The following PTDSS2 variants were observed in gnomAD, a reference collection of about 807,000 sequenced individuals.
The protein encoded by PTDSS2 is PSS-2.
In PTDSS2, 41 loss-of-function variants were observed where a neutral mutation model predicts 64.7. The observed-to-expected ratio is 0.63, with a 90% CI of 0.49 to 0.82. The LOEUF is 0.82. Among genes scored for constraint, PTDSS2 ranks in the 40% least tolerant of loss-of-function variants. The pLI is 0.00. For synonymous variants in PTDSS2, 297 were observed against 277.8 expected, an observed-to-expected ratio of 1.07 and a Z score of -0.69; for missense variants, 485 against 650.0, an observed-to-expected ratio of 0.75 and a Z score of 2.76.
At chr11:487,654 TGGTCGGGTCCCCGCTCCGTCCTCAG>T (rs1848454202) in intron 6 of PTDSS2, among the ~76,000 whole-genome samples, 184 bp downstream of exon 6, 1 of 152,144 alleles carries the variant, frequency 6.6e-6, no homozygotes, top group Non-Finnish European at 1.5e-5. Context: ...GCCCTGATCC[TGGTCGGGTCCCCGCTCCGTCCTCAG>T]GGTCGGGGCG....
Position 489,713 on chromosome 11 carries a change from C to T in PTDSS2, c.1095C>T (p.Ile365=). The T allele has an allele frequency of 6.2e-7, 1 of 1,608,744 alleles. No individual in the cohort carries two copies. The highest frequency in any genetic ancestry group is 8.5e-7 in the Non-Finnish European group (1 of 1,177,970). Residue 365 remains isoleucine (I), a synonymous_variant, in exon 10 of 12, where the codon ATC becomes ATT. Coordinates refer to ENST00000308020, the MANE Select transcript of PTDSS2 (RefSeq NM_030783.3). ...VNVGGVAMRE[I]YDFMDDPKPH... Reference sequence around the variant, plus strand: ...TGGGTGGCGTGGCCATGCGTGAGATCTACGACTTCATGGATGACCCGTGAG... The same window carrying T: ...TGGGTGGCGTGGCCATGCGTGAGATTTACGACTTCATGGATGACCCGTGAG...
intron 1 of PTDSS2, among the ~76,000 whole-genome samples, chr11:454,846 C>T (rs1365562144): frequency 6.6e-6 from 1 of 152,180 alleles, no homozygotes; most frequent in Admixed American, 6.5e-5. Flanking sequence ...GTGATCCTGT[C>T]TTTGTGTGCT....
In PTDSS2 at chr11:489,669, CTCG is replaced by C. The variant is rs747114165; in HGVS notation, c.1054_1056del (p.Val352del). 1.2e-6 allele frequency: 2 copies of C among 1,601,576 alleles called. No homozygotes were observed. The highest frequency in any genetic ancestry group is 1.3e-5 in the African/African-American group (1 of 74,854). On this transcript the variant is annotated inframe_deletion, in exon 10 of 12. Coordinates refer to ENST00000308020, the MANE Select transcript of PTDSS2 (RefSeq NM_030783.3). ...GGAGCACTACCTGGTCCTCCTGCGGCTCGTCTTCTTCGTGAACGTGGGTGGCGT... is the reference window on the plus strand; with the variant it reads ...GGAGCACTACCTGGTCCTCCTGCGGCTCTTCTTCGTGAACGTGGGTGGCGT...
Position 489,953 on chromosome 11 carries a change from G to A in PTDSS2, c.1186G>A (p.Val396Met), listed in dbSNP as rs375896438. 6 of 1,611,054 alleles carry A rather than the reference G, an allele frequency of 3.7e-6. No individual in the cohort carries two copies. Among genetic ancestry groups the A allele is most frequent in the East Asian group, 2.2e-5 (1 of 44,858 alleles). The change falls in exon 11 of 12, where the codon GTG becomes ATG. Residue 396 changes from valine (V) to methionine (M), a missense_variant. Around this residue, in one of 3 missense-constraint regions of PTDSS2, gnomAD observed 219 missense variants for 257.3 expected, o/e 0.85. Coordinates refer to ENST00000308020, the MANE Select transcript of PTDSS2 (RefSeq NM_030783.3). ...CATCACGGCCACGGAGCTGCTCATC[G>A]TGGTGAAGTACGACCCCCACACGCT... Reference protein sequence around the residue: ...AAITATELLIVVKYDPHTLTL... With the variant: ...AAITATELLIMVKYDPHTLTL...
chr11:485,754 G>A (rs1466368294), intron 4 of PTDSS2, among the ~76,000 whole-genome samples: 1 of 142,382 alleles, frequency 7.0e-6, no homozygotes, highest in Non-Finnish European at 1.5e-5. Flanking sequence ...GCAGGCGAGC[G>A]TAAACAGTGC....
At chr11:490,193 C>T (rs1389139070) in intron 11 of PTDSS2, 125 bp downstream of exon 11, 2 of 1,212,536 alleles carry the variant, frequency 1.6e-6, no homozygotes, top group Non-Finnish European at 2.3e-6. Flanking sequence ...CTGGCCGCCT[C>T]TGCGGGAGGC....
chr11:460,411 G>T lies in PTDSS2; in HGVS notation c.284+123G>T, dbSNP rs566752083. 305 of 734,412 alleles carry T rather than the reference G, an allele frequency of 4.2e-4. 1 individual carries two copies. The East Asian group carries it at 7.6e-3, about 18-fold the overall frequency. The allele number at this position is 734,412 out of a possible 1,614,324, so 45.5% of individuals were successfully genotyped here. A position where few individuals can be genotyped will look rare whatever the true frequency, so the allele number is the denominator to read the frequency against. On this transcript the variant is annotated intron_variant, in intron 2 of 11. Coordinates refer to ENST00000308020, the MANE Select transcript of PTDSS2 (RefSeq NM_030783.3). This position sits in a 1 kb window ranked among gnomAD's most constrained non-coding sequence, Gnocchi z 5.8. ...CTTCACCAGAGGGCTGCGTGGGGCCGCCGGCCTCTCCCTTGAGTGTGTCTG... is the reference window on the plus strand; with the variant it reads ...CTTCACCAGAGGGCTGCGTGGGGCCTCCGGCCTCTCCCTTGAGTGTGTCTG...
At chr11:473,799 G>A (rs1474996797) in intron 2 of PTDSS2, 96 bp from the exon 3 acceptor site, 6 of 959,526 alleles carry the variant, frequency 6.3e-6, no homozygotes, top group Non-Finnish European at 1.0e-5. Context: ...ATCAGGGGCT[G>A]TTCCACAATG....
intron 3 of PTDSS2, among the ~76,000 whole-genome samples, chr11:477,769 T>C (rs1219784500): frequency 6.6e-6 from 1 of 152,222 alleles, no homozygotes. Context: ...GGCGAGCCCT[T>C]GTGGGGCGAG....
At chr11:486,594 G>A (rs551129269) in intron 4 of PTDSS2, among the ~76,000 whole-genome samples, 2 of 152,288 alleles carry the variant, frequency 1.3e-5, no homozygotes, top group African/African-American at 4.8e-5. Flanking sequence ...TGTAATCCCA[G>A]CTCTTTGGGA....
intron 1 of PTDSS2, chr11:458,772 A>G (rs183141328): frequency 9.2e-5 from 14 of 152,352 alleles, no homozygotes; most frequent in African/African-American, 2.9e-4. Context: ...CGTTGGGACT[A>G]CAGACGCGTG....
At chr11:487,130 C>G (rs895353428) in intron 5 of PTDSS2, 57 bp downstream of exon 5, 10 of 1,523,196 alleles carry the variant, frequency 6.6e-6, no homozygotes, top group Non-Finnish European at 9.0e-6. Flanking sequence ...CCGTGCCGGA[C>G]CAGGCGCCAT....
chr11:453,760 C>G (rs1009252947), intron 1 of PTDSS2, among the ~76,000 whole-genome samples: 1 of 152,242 alleles, frequency 6.6e-6, no homozygotes, highest in Admixed American at 6.5e-5. Context: ...CTTTGGACGA[C>G]GACGCCGCGT....
At chr11:486,328 C>G (rs1432424997) in intron 4 of PTDSS2, among the ~76,000 whole-genome samples, 1 of 152,176 alleles carries the variant, frequency 6.6e-6, no homozygotes, top group African/African-American at 2.4e-5. Context: ...CGCAGTAACT[C>G]AGGGCCCCAT....
In PTDSS2 at chr11:460,937, A is replaced by G. The variant is rs1346106469; in HGVS notation, c.284+649A>G. 6.6e-6 allele frequency: 1 copy of G among 152,342 alleles called. No individual in the cohort carries two copies. The highest frequency in any genetic ancestry group is 2.4e-5 in the African/African-American group (1 of 41,420). The allele number at this position is 152,342 out of a possible 1,614,324, so 9.4% of individuals were successfully genotyped here. A position where few individuals can be genotyped will look rare whatever the true frequency, so the allele number is the denominator to read the frequency against. On this transcript the variant is annotated intron_variant, in intron 2 of 11. Transcript: ENST00000308020. This position sits in a 1 kb window ranked among gnomAD's most constrained non-coding sequence, Gnocchi z 5.8. Reference sequence around the variant, plus strand: ...CTCGCGTTGCTCTTCCGACGCGCGCACAGGGTGTGTCTGCCCAGGGCTGCC... The same window carrying G: ...CTCGCGTTGCTCTTCCGACGCGCGCGCAGGGTGTGTCTGCCCAGGGCTGCC...
chr11:455,319 C>T (rs1846535806), intron 1 of PTDSS2, among the ~76,000 whole-genome samples: 1 of 152,186 alleles, frequency 6.6e-6, no homozygotes, highest in South Asian at 2.1e-4. Flanking sequence ...CGTGGGGTGG[C>T]CGTGTGGTTC....
Position 479,113 on chromosome 11 carries a change from T to C in PTDSS2, c.396T>C (p.Ser132=), listed in dbSNP as rs1847946792. Residue 132 remains serine (S), a synonymous_variant, in exon 4 of 12, where the codon AGT becomes AGC. Transcript: ENST00000308020. This position sits in a 1 kb window ranked among gnomAD's most constrained non-coding sequence, Gnocchi z 4.2. ...PAYWRFWLCV[S]VVYELFLIFI... ...ACTGGAGGTTTTGGCTCTGCGTGAG[T>C]GTGGTCTACGAGCTGTTTCTCATCT... 6.2e-7 allele frequency: 1 copy of C among 1,614,172 alleles called. No homozygotes were observed. Among genetic ancestry groups the C allele is most frequent in the South Asian group, 1.1e-5 (1 of 91,084 alleles).
At position 490,019 on chromosome 11, in the gene PTDSS2, C is replaced by T; in HGVS notation, c.1252C>T (p.Leu418Phe). Reference sequence around the variant, plus strand: ...CTTCTACATCTCCCAGTGCTGGACCCTCGGCTCCGTCCTGGCGCTCACCTG... The same window carrying T: ...CTTCTACATCTCCCAGTGCTGGACCTTCGGCTCCGTCCTGGCGCTCACCTG... ...LPFYISQCWT[L>F]GSVLALTWTV... Residue 418 changes from leucine (L) to phenylalanine (F), a missense_variant, in exon 11 of 12, where the codon CTC becomes TTC. Leu to Phe is a conservative substitution (Grantham distance 22). Transcript: ENST00000308020. 3 of 1,611,592 alleles carry T rather than the reference C, an allele frequency of 1.9e-6. No individual in the cohort carries two copies. The highest frequency in any genetic ancestry group is 2.5e-6 in the Non-Finnish European group (3 of 1,179,960).
chr11:489,201 A>G (rs1487247140), intron 8 of PTDSS2, 199 bp from the exon 9 acceptor site: 4 of 603,332 alleles, frequency 6.6e-6, no homozygotes, highest in Non-Finnish European at 1.2e-5. Flanking sequence ...CAGACCTCGG[A>G]GAACAGCCGG....
Sources: gnomAD v4.1 joint callset for allele counts (sites outside exome capture counted in the v4.1 genomes callset) on GRCh38, gnomAD v4.1.1 for gene constraint, gnomAD v4.1.1 regional missense constraint, Gnocchi (gnomAD v3.1) non-coding constraint, MANE v1.5 for transcripts, NCBI Gene and HGNC (gene_info 2026-07-23, HGNC 2026-07-21) for gene names.